The following EYS variants were observed in gnomAD, a reference collection of about 807,000 sequenced individuals.
EYS encodes the protein EGF-like photoreceptor maintenance factor.
EYS carries 250 observed loss-of-function variants against 282.1 expected under a neutral mutation model. The observed-to-expected ratio is 0.89, with a 90% CI of 0.80 to 0.98. The LOEUF (loss-of-function observed/expected upper bound fraction) is 0.98. Among genes scored for constraint, EYS ranks in the 50% least tolerant of loss-of-function variants. The pLI is 0.00. For synonymous variants in EYS, 1,355 were observed against 1,282.9 expected, an observed-to-expected ratio of 1.06 and a Z score of -1.20; for missense variants, 4,016 against 3,709.0, an observed-to-expected ratio of 1.08 and a Z score of -2.15.
intron 22 of EYS, among the ~76,000 whole-genome samples, chr6:64,741,302 A>G (rs993972284): frequency 6.6e-6 from 1 of 152,100 alleles, no homozygotes; most frequent in Non-Finnish European, 1.5e-5. Flanking sequence ...TCTGCTCAGT[A>G]AGTCTGAAAA....
At chr6:65,215,049 G>A (rs900690734) in intron 12 of EYS, among the ~76,000 whole-genome samples, 3 of 151,736 alleles carry the variant, frequency 2.0e-5, no homozygotes, top group Non-Finnish European at 4.4e-5. Flanking sequence ...AGAGGTGAAA[G>A]GAGATTAATA....
At chr6:64,296,333 G>C (rs1323250428) in intron 30 of EYS, among the ~76,000 whole-genome samples, 1 of 151,948 alleles carries the variant, frequency 6.6e-6, no homozygotes, top group Non-Finnish European at 1.5e-5. Context: ...TATTAAATAT[G>C]TTTGCTGATA....
At chr6:64,753,724 C>T (rs1772839731) in intron 22 of EYS, among the ~76,000 whole-genome samples, 1 of 151,610 alleles carries the variant, frequency 6.6e-6, no homozygotes, top group Admixed American at 6.6e-5. Context: ...CAAAGAGACA[C>T]TAAACTTAAA....
At chr6:65,266,538 T>G (rs2150262045) in intron 12 of EYS, among the ~76,000 whole-genome samples, 1 of 152,068 alleles carries the variant, frequency 6.6e-6, no homozygotes, top group Non-Finnish European at 1.5e-5. Flanking sequence ...AAATTTTAAA[T>G]CCACAAAAAT....
At chr6:63,799,005 A>ATATATATATC (rs1554170411) in intron 37 of EYS, among the ~76,000 whole-genome samples, 1 of 133,488 alleles carries the variant, frequency 7.5e-6, no homozygotes, top group East Asian at 2.1e-4. Context: ...ATATATATAT[A>ATATATATATC]TATATATATA....
intron 35 of EYS, among the ~76,000 whole-genome samples, chr6:63,964,554 C>A (rs563533134): frequency 2.8e-4 from 42 of 152,272 alleles, no homozygotes; most frequent in African/African-American, 9.9e-4. Context: ...GCAAAACATG[C>A]TTTCTTACAG....
chr6:64,186,138 A>G (rs1270420158), intron 31 of EYS, among the ~76,000 whole-genome samples: 1 of 152,052 alleles, frequency 6.6e-6, no homozygotes, highest in African/African-American at 2.4e-5. Flanking sequence ...CTCAGGTCCC[A>G]CCAAAGGCTG....
chr6:65,092,640 G>A (rs564471728), intron 12 of EYS, among the ~76,000 whole-genome samples: 24 of 152,170 alleles, frequency 1.6e-4, no homozygotes, highest in Admixed American at 1.2e-3. Flanking sequence ...TAGTTTTTTA[G>A]TTGCCGTGAT....
At chr6:65,116,152 A>T (rs1168150103) in intron 12 of EYS, among the ~76,000 whole-genome samples, 1 of 152,142 alleles carries the variant, frequency 6.6e-6, no homozygotes, top group African/African-American at 2.4e-5. Flanking sequence ...TTAAATATTC[A>T]TGAAAACACA....
chr6:64,019,100 C>A (rs1479205674), intron 33 of EYS, among the ~76,000 whole-genome samples: 2 of 151,982 alleles, frequency 1.3e-5, no homozygotes, highest in Non-Finnish European at 2.9e-5. Context: ...AAGAGAGAAT[C>A]AGAGAGAGTG....
rs185043791 is a variant in EYS at position 63,783,161 on chromosome 6, A to C, written c.7723+4944T>G. ...CAGGGTTGTTAATAAATCTGAATCT[A>C]TCTCATGTCCACTCTATTCAGAGTA... On this transcript the variant is annotated intron_variant, in intron 39 of 42. Transcript: ENST00000503581. Among the ~76,000 whole-genome samples, 8 of 152,304 alleles carry C rather than the reference A, an allele frequency of 5.3e-5. No homozygotes were observed. The East Asian group carries it at 1.5e-3, about 29-fold the overall frequency.
At chr6:65,693,681 G>A (rs1212807100) in intron 1 of EYS, among the ~76,000 whole-genome samples, 1 of 150,026 alleles carries the variant, frequency 6.7e-6, no homozygotes, top group African/African-American at 2.4e-5. Context: ...ATTAGGAAAG[G>A]ATAATAGGAG....
At chr6:65,420,878 T>G (rs180885041) in intron 5 of EYS, among the ~76,000 whole-genome samples, 1 of 152,012 alleles carries the variant, frequency 6.6e-6, no homozygotes, top group African/African-American at 2.4e-5. Context: ...AGGAATATTT[T>G]TTTTTTCCTG....
chr6:65,049,734 TAG>T (rs2150153779), intron 13 of EYS, among the ~76,000 whole-genome samples: 1 of 151,858 alleles, frequency 6.6e-6, no homozygotes, highest in South Asian at 2.1e-4. Flanking sequence ...GTCTCATTGT[TAG>T]AGTGTCAGGA....
intron 26 of EYS, among the ~76,000 whole-genome samples, chr6:64,580,750 G>T (rs760165934): frequency 1.4e-4 from 22 of 152,058 alleles, no homozygotes; most frequent in Non-Finnish European, 2.1e-4. Context: ...AGAAAGACTA[G>T]AGACTAGAAA....
intron 30 of EYS, among the ~76,000 whole-genome samples, chr6:64,242,265 G>A (rs1229365337): frequency 6.6e-6 from 1 of 151,970 alleles, no homozygotes; most frequent in African/African-American, 2.4e-5. Context: ...ACAGTGGGGT[G>A]TTAAAATCTC....
At chr6:64,857,455 G>A (rs942596448) in intron 19 of EYS, among the ~76,000 whole-genome samples, 1 of 152,146 alleles carries the variant, frequency 6.6e-6, no homozygotes, top group Admixed American at 6.5e-5. Context: ...AGGTTGAATA[G>A]TATTCCATTG....
chr6:65,230,808 A>T (rs921637946), intron 12 of EYS, among the ~76,000 whole-genome samples: 65 of 151,730 alleles, frequency 4.3e-4, no homozygotes, highest in African/African-American at 1.6e-3. Flanking sequence ...TGCAGTAGTA[A>T]TATGCATGTC....
chr6:65,589,958 T>C (rs899925086), intron 2 of EYS, among the ~76,000 whole-genome samples: 1 of 151,990 alleles, frequency 6.6e-6, no homozygotes, highest in Non-Finnish European at 1.5e-5. Flanking sequence ...AAATATATCT[T>C]TATAATTTAA....
Sources: gnomAD v4.1 joint callset for allele counts (sites outside exome capture counted in the v4.1 genomes callset) on GRCh38, gnomAD v4.1.1 for gene constraint, MANE v1.5 for transcripts, NCBI Gene and HGNC (gene_info 2026-07-23, HGNC 2026-07-21) for gene names.